Variants in PDE4D observed in about 807,000 individuals in gnomAD.
PDE4D encodes 3',5'-cyclic-AMP phosphodiesterase 4D.
In PDE4D, 24 loss-of-function variants were observed where a neutral mutation model predicts 87.4. That is an observed-to-expected ratio of 0.27 (90% CI 0.20 to 0.39). The LOEUF (loss-of-function observed/expected upper bound fraction) is 0.39. PDE4D is among the 10% of genes least tolerant of loss of function. The pLI is 1.00. For synonymous variants in PDE4D, 384 were observed against 383.2 expected (o/e 1.00, Z -0.02); for missense variants, 714 against 1,041.0 (o/e 0.69, Z 4.32).
intron 1 of PDE4D, among the ~76,000 whole-genome samples, chr5:60,326,880 A>G (rs1008318079): frequency 2.0e-5 from 3 of 152,154 alleles, no homozygotes; most frequent in African/African-American, 7.2e-5. Context: ...ATTATAGAGG[A>G]CAAACAACTA....
At chr5:59,414,840 T>C (rs911052002) in intron 1 of PDE4D, among the ~76,000 whole-genome samples, 4 of 152,210 alleles carry the variant, frequency 2.6e-5, no homozygotes, top group African/African-American at 9.6e-5. Context: ...TGGAGGGCCA[T>C]GACAGCACAA....
intron 1 of PDE4D, among the ~76,000 whole-genome samples, chr5:60,493,112 C>A (rs988911626): frequency 1.3e-5 from 2 of 152,118 alleles, no homozygotes; most frequent in Non-Finnish European, 1.5e-5. Flanking sequence ...ACACTTTTAA[C>A]CCTGCCCTGT....
intron 1 of PDE4D, among the ~76,000 whole-genome samples, chr5:59,801,724 A>C (rs571001704): frequency 2.6e-5 from 4 of 152,342 alleles, no homozygotes; most frequent in Admixed American, 6.5e-5. Context: ...GTCCCTCAAA[A>C]TCAGACGATT....
intron 1 of PDE4D, among the ~76,000 whole-genome samples, chr5:59,867,113 T>C (rs1219263256): frequency 6.6e-6 from 1 of 152,156 alleles, no homozygotes; most frequent in East Asian, 1.9e-4. Flanking sequence ...AAGATGATTA[T>C]AATTTCAGAG....
intron 1 of PDE4D, among the ~76,000 whole-genome samples, chr5:60,188,879 CA>C (rs1784993740): frequency 6.6e-6 from 1 of 152,142 alleles, no homozygotes; most frequent in South Asian, 2.1e-4. Flanking sequence ...GCTTTGCTGC[CA>C]ATAGCATGAA....
At chr5:59,998,460 C>T (rs990386029) in intron 2 of PDE4D, among the ~76,000 whole-genome samples, 4 of 151,978 alleles carry the variant, frequency 2.6e-5, no homozygotes, top group African/African-American at 7.3e-5. Context: ...AATTACCACA[C>T]CAACATCTCA....
chr5:59,818,521 A>T (rs1042575406), intron 1 of PDE4D, among the ~76,000 whole-genome samples: 2 of 152,228 alleles, frequency 1.3e-5, no homozygotes, highest in Admixed American at 1.3e-4. Context: ...CAGCAATGGC[A>T]TCTTTCAATT....
chr5:59,942,394 G>A (rs535511314), intron 3 of PDE4D, among the ~76,000 whole-genome samples: 1 of 152,296 alleles, frequency 6.6e-6, no homozygotes, highest in Admixed American at 6.5e-5. Context: ...ATAAGCAAAA[G>A]CTTAAGAAAA....
chr5:60,449,644 A>C (rs1429897247), intron 1 of PDE4D, among the ~76,000 whole-genome samples: 1 of 149,282 alleles, frequency 6.7e-6, no homozygotes, highest in Non-Finnish European at 1.5e-5. Context: ...AAAGTATAAT[A>C]ATAATAAATA....
intron 1 of PDE4D, chr5:59,587,375 T>A: frequency 1.2e-6 from 1 of 869,164 alleles, no homozygotes; most frequent in South Asian, 5.3e-5. Flanking sequence ...CACCCCAAAT[T>A]CAGTTTTCCA....
Position 58,972,112 on chromosome 5 carries a change from A to G in PDE4D, c.*2552T>C, listed in dbSNP as rs1742708997. ...ATTGCTGCTTTTTATTTTATTCATTATTAAGATTCTAGGCACTCTGTGGGG... is the reference window on the plus strand; with the variant it reads ...ATTGCTGCTTTTTATTTTATTCATTGTTAAGATTCTAGGCACTCTGTGGGG... On this transcript the variant is annotated 3_prime_UTR_variant, in exon 15 of 15. Coordinates refer to ENST00000340635, the MANE Select transcript of PDE4D (RefSeq NM_001104631.2). The G allele has an allele frequency of 6.6e-6, 1 of 152,558 alleles. No homozygotes were observed. The allele number at this position is 152,558 out of a possible 1,614,324, so 9.5% of individuals were successfully genotyped here. A position where few individuals can be genotyped will look rare whatever the true frequency, so the allele number is the denominator to read the frequency against.
intron 11 of PDE4D, among the ~76,000 whole-genome samples, chr5:58,985,639 TATGAGAA>T (rs1746238254): frequency 6.6e-6 from 1 of 152,134 alleles, no homozygotes; most frequent in South Asian, 2.1e-4. Flanking sequence ...AATTCTTTAT[TATGAGAA>T]ATATGGATTC....
At chr5:60,249,034 A>T (rs1416880959) in intron 1 of PDE4D, among the ~76,000 whole-genome samples, 5 of 152,028 alleles carry the variant, frequency 3.3e-5, no homozygotes, top group Non-Finnish European at 5.9e-5. Flanking sequence ...ACTTGTGGGT[A>T]GGCTGGGCCT....
chr5:59,029,599 T>C (rs1360364601), intron 6 of PDE4D, among the ~76,000 whole-genome samples: 1 of 151,792 alleles, frequency 6.6e-6, no homozygotes, highest in South Asian at 2.1e-4. Flanking sequence ...TCCAAAGCCA[T>C]CTATAGATTC....
chr5:59,523,339 C>T (rs569706804), intron 1 of PDE4D, among the ~76,000 whole-genome samples: 2 of 152,162 alleles, frequency 1.3e-5, no homozygotes, highest in Admixed American at 6.5e-5. Flanking sequence ...AGCTTTGAAC[C>T]ATGAAAACAT....
At chr5:59,291,177 A>G (rs1469688532) in intron 1 of PDE4D, among the ~76,000 whole-genome samples, 1 of 152,106 alleles carries the variant, frequency 6.6e-6, no homozygotes, top group African/African-American at 2.4e-5. Flanking sequence ...TTTGGAAGCA[A>G]TCTAAATTTC....
At chr5:60,172,424 G>A (rs1165335760) in intron 2 of PDE4D, among the ~76,000 whole-genome samples, 2 of 151,774 alleles carry the variant, frequency 1.3e-5, no homozygotes, top group African/African-American at 4.8e-5. Flanking sequence ...ACCTCCAAAG[G>A]GACAGGTGCT....
At chr5:59,734,693 T>A (rs1561561236) in intron 1 of PDE4D, among the ~76,000 whole-genome samples, 1 of 151,810 alleles carries the variant, frequency 6.6e-6, no homozygotes, top group Non-Finnish European at 1.5e-5. Context: ...GTCATGGACT[T>A]AAAAAAAATT....
At chr5:60,379,068 G>A (rs1761656639) in intron 1 of PDE4D, among the ~76,000 whole-genome samples, 2 of 151,914 alleles carry the variant, frequency 1.3e-5, no homozygotes, top group South Asian at 4.1e-4. Flanking sequence ...GACAATCAAA[G>A]CCCTATTGCA....
Sources: allele counts gnomAD v4.1 joint callset (sites outside exome capture counted in the v4.1 genomes callset), GRCh38; gene constraint gnomAD v4.1.1; transcripts MANE v1.5; gene names NCBI Gene and HGNC (gene_info 2026-07-23, HGNC 2026-07-21).